Variants in IQSEC1 observed in about 807,000 individuals in gnomAD.
The protein encoded by IQSEC1 is IQ motif and SEC7 domain-containing protein 1.
IQSEC1 carries 31 observed loss-of-function variants against 91.0 expected under a neutral mutation model. The observed-to-expected ratio is 0.34, with a 90% CI of 0.26 to 0.46. The LOEUF is 0.46. Among genes scored for constraint, IQSEC1 ranks in the 20% least tolerant of loss-of-function variants. IQSEC1 has a pLI of 1.00. For synonymous variants in IQSEC1, 699 were observed against 662.6 expected (o/e 1.05, Z -0.84); for missense variants, 1,388 against 1,575.6 (o/e 0.88, Z 2.02).
rs1371336961 is a variant in IQSEC1 at position 13,211,860 on chromosome 3, G to A, written c.273-47727C>T. ...ATGCAGCCCTCGCCCACCCTCGCAG[G>A]CACAGTCCCTCCACGCTGGTTTCGT... On this transcript the variant is annotated intron_variant, in intron 1 of 15. Transcript: ENST00000648114. The surrounding 1 kb of genome is among the most constrained non-coding windows in gnomAD (Gnocchi z 5.3). Among the ~76,000 whole-genome samples, 2 of 152,170 alleles carry A rather than the reference G, an allele frequency of 1.3e-5. No homozygotes were observed. Among genetic ancestry groups the A allele is most frequent in the African/African-American group, 2.4e-5 (1 of 41,434 alleles).
intron 3 of IQSEC1, among the ~76,000 whole-genome samples, chr3:12,928,837 G>A (rs1237377546): frequency 6.6e-6 from 1 of 152,132 alleles, no homozygotes; most frequent in Non-Finnish European, 1.5e-5. Context: ...TGCAGGACAT[G>A]CTTCAGCCAC....
chr3:12,938,789 A>G (rs1434833950), intron 2 of IQSEC1, among the ~76,000 whole-genome samples: 1 of 152,072 alleles, frequency 6.6e-6, no homozygotes, highest in Non-Finnish European at 1.5e-5. Context: ...CAGACCACGC[A>G]GCCACCCTGT....
At chr3:12,989,121 A>C (rs1221946837) in intron 1 of IQSEC1, among the ~76,000 whole-genome samples, 1 of 152,236 alleles carries the variant, frequency 6.6e-6, no homozygotes, top group Admixed American at 6.5e-5. Context: ...AGATGGGTTG[A>C]TTTTAGCATT....
intron 1 of IQSEC1, among the ~76,000 whole-genome samples, chr3:12,969,797 G>A (rs1021340696): frequency 6.6e-6 from 1 of 152,214 alleles, no homozygotes; most frequent in Non-Finnish European, 1.5e-5. Context: ...ATTTAGAAGG[G>A]GATTGAATTT....
chr3:13,118,513 C>T (rs538573664), intron 2 of IQSEC1, among the ~76,000 whole-genome samples: 22 of 152,260 alleles, frequency 1.4e-4, no homozygotes, highest in African/African-American at 4.3e-4. Context: ...GGCTACTACA[C>T]GGATGACCTT....
intron 1 of IQSEC1, among the ~76,000 whole-genome samples, chr3:13,060,036 C>T (rs952623113): frequency 2.0e-5 from 3 of 152,172 alleles, no homozygotes; most frequent in Admixed American, 6.5e-5. Context: ...GCAGCGGGAA[C>T]GACTGTGCTG....
At chr3:13,012,393 C>T (rs1312082619) in intron 1 of IQSEC1, among the ~76,000 whole-genome samples, 1 of 152,224 alleles carries the variant, frequency 6.6e-6, no homozygotes, top group African/African-American at 2.4e-5. Context: ...CAGATAAAAA[C>T]TCCAGTGTCC....
chr3:13,133,348 C>G (rs1201149684), intron 2 of IQSEC1, among the ~76,000 whole-genome samples: 1 of 152,220 alleles, frequency 6.6e-6, no homozygotes, highest in Admixed American at 6.5e-5. Context: ...TGGACCAGGT[C>G]ACACTCTCTG....
At chr3:13,160,859 T>C (rs909055782) in intron 2 of IQSEC1, among the ~76,000 whole-genome samples, 2 of 152,234 alleles carry the variant, frequency 1.3e-5, no homozygotes, top group Non-Finnish European at 2.9e-5. Context: ...CTCAGGGGCC[T>C]CATCCCTGTC....
chr3:13,083,059 C>T (rs920321216), intron 2 of IQSEC1, among the ~76,000 whole-genome samples: 6 of 152,202 alleles, frequency 3.9e-5, no homozygotes, highest in African/African-American at 1.4e-4. Context: ...CACTGGTTTA[C>T]TATCATGTGA....
At chr3:12,981,540 AG>A (rs1374826747) in intron 1 of IQSEC1, among the ~76,000 whole-genome samples, 7 of 152,324 alleles carry the variant, frequency 4.6e-5, no homozygotes, top group Admixed American at 4.6e-4. Flanking sequence ...TAGAAACAAC[AG>A]GGGGAACTTT....
intron 6 of IQSEC1, among the ~76,000 whole-genome samples, 198 bp downstream of exon 6, chr3:12,920,232 T>C (rs1175161102): frequency 6.6e-6 from 1 of 152,206 alleles, no homozygotes; most frequent in African/African-American, 2.4e-5. Flanking sequence ...GCAGCCTGTG[T>C]CCCACGGGGG....
Position 13,034,933 on chromosome 3 carries a change from C to T in IQSEC1, c.23+38059G>A, listed in dbSNP as rs373166957. ...ATGCTCCCAGGGATCGGCCTCGCCC[C>T]GACAGGGCACAGTGCTGGTGGGGTG... On this transcript the variant is annotated intron_variant, in intron 1 of 13. Coordinates refer to ENST00000613206, the MANE Select transcript of IQSEC1 (RefSeq NM_001134382.3). Among the ~76,000 whole-genome samples, 299 of 152,350 alleles carry T rather than the reference C, an allele frequency of 2.0e-3. 2 individuals are homozygous for T. Among genetic ancestry groups the T allele is most frequent in the African/African-American group, 6.5e-3 (269 of 41,580 alleles).
intron 2 of IQSEC1, among the ~76,000 whole-genome samples, chr3:13,162,360 T>C (rs1033109285): frequency 5.3e-5 from 8 of 152,196 alleles, no homozygotes; most frequent in African/African-American, 7.2e-5. Context: ...ATCTCCTTCC[T>C]GAGCCTGCAG....
intron 2 of IQSEC1, among the ~76,000 whole-genome samples, chr3:13,154,444 T>TACACAC (rs1559265481): frequency 1.8e-5 from 1 of 55,378 alleles, no homozygotes; most frequent in South Asian, 6.5e-4. Flanking sequence ...CATGCATATA[T>TACACAC]ATATATATAT....
chr3:13,249,195 G>A (rs546223721), intron 1 of IQSEC1, among the ~76,000 whole-genome samples: 14 of 135,210 alleles, frequency 1.0e-4, no homozygotes, highest in Admixed American at 3.1e-4. Context: ...TTTTTGAGAC[G>A]GAGTCTTGCT....
At chr3:13,088,637 G>T (rs946730508) in intron 2 of IQSEC1, among the ~76,000 whole-genome samples, 1 of 151,992 alleles carries the variant, frequency 6.6e-6, no homozygotes, top group Non-Finnish European at 1.5e-5. Context: ...GTACCCTCCC[G>T]GGGACCCCAC....
intron 12 of IQSEC1, among the ~76,000 whole-genome samples, chr3:12,906,485 AC>A: frequency 6.6e-6 from 1 of 152,020 alleles, no homozygotes; most frequent in Non-Finnish European, 1.5e-5. Context: ...CTGGACTCAA[AC>A]CCCACCTCGC....
chr3:12,955,508 C>G (rs960484273), intron 1 of IQSEC1, among the ~76,000 whole-genome samples: 1 of 152,200 alleles, frequency 6.6e-6, no homozygotes, highest in Admixed American at 6.5e-5. Flanking sequence ...AGGGCCTCTG[C>G]CTGGTGAGGT....
Sources: gnomAD v4.1 joint callset for allele counts (sites outside exome capture counted in the v4.1 genomes callset) on GRCh38, gnomAD v4.1.1 for gene constraint, Gnocchi (gnomAD v3.1) non-coding constraint, MANE v1.5 for transcripts, NCBI Gene and HGNC (gene_info 2026-07-23, HGNC 2026-07-21) for gene names.